The following RNF216 variants were observed in gnomAD, a reference collection of about 807,000 sequenced individuals.
RNF216 encodes the protein ring finger protein 216.
Under a neutral mutation model 110.8 loss-of-function variants are expected in RNF216, and 72 were observed. That is an observed-to-expected ratio of 0.65 (90% confidence interval 0.54 to 0.79). The LOEUF is 0.79. RNF216 is among the 30% of genes least tolerant of loss of function. The pLI is 0.00. For synonymous variants in RNF216, 495 were observed against 407.5 expected, an observed-to-expected ratio of 1.21 and a Z score of -2.59; for missense variants, 1,342 against 1,141.2, an observed-to-expected ratio of 1.18 and a Z score of -2.54.
chr7:5,763,058 T>G (rs1212580623), intron 1 of RNF216, among the ~76,000 whole-genome samples: 1 of 152,062 alleles, frequency 6.6e-6, no homozygotes, highest in African/African-American at 2.4e-5. Context: ...TACTGAACTC[T>G]GGGGATAGGA....
rs747054051 is a variant in RNF216 at position 5,741,289 on chromosome 7, C to G, written c.728G>C (p.Arg243Pro). ...PYFQSLNQQP[R>P]EITNQVVPQE... The stretch of plus-strand genomic sequence containing the variant: ...AGGAACGACCTGGTTTGTTATTTCA[C>G]GGGGCTGTTGGTTCAGAGACTGGAA... The change falls in exon 4 of 17, where the codon CGT (arginine) becomes CCT (proline). Residue 243 changes from arginine (R) to proline (P), a missense_variant. Arg to Pro is a moderately radical substitution (Grantham distance 103). Coordinates refer to ENST00000389902, the MANE Select transcript of RNF216 (RefSeq NM_207111.4). 5.6e-6 allele frequency: 9 copies of G among 1,613,904 alleles called. No individual in the cohort carries two copies. The highest frequency in any genetic ancestry group is 1.3e-5 in the African/African-American group (1 of 74,898).
intron 5 of RNF216, among the ~76,000 whole-genome samples, chr7:5,731,832 G>A (rs1344751158): frequency 2.8e-5 from 4 of 145,418 alleles, no homozygotes; most frequent in Non-Finnish European, 5.9e-5. Context: ...AGGTCTGGCA[G>A]AAAGAGGGTA....
chr7:5,711,861 T>C lies in RNF216; in HGVS notation c.1983-22A>G, dbSNP rs187466447. 1.2e-5 allele frequency: 20 copies of C among 1,605,232 alleles called. No individual in the cohort carries two copies. The African/African-American group carries it at 1.5e-4, about 12-fold the overall frequency. On this transcript the variant is annotated intron_variant, in intron 12 of 16. Transcript: ENST00000389902. ...GCACCTAGAGTCAGAACAGCAGAAC[T>C]GACATTACTTCAAACATTAAAGCCT...
Position 5,781,523 on chromosome 7 carries a change from C to G in RNF216, c.-70+18G>C, listed in dbSNP as rs1282934309. The stretch of plus-strand genomic sequence containing the variant: ...GACCCGCCCAGGAGCTCGAGCGCGC[C>G]CCGCAGCCGACACTCACTCGTCACT... On this transcript the variant is annotated intron_variant, in intron 1 of 16. Coordinates refer to ENST00000389902, the MANE Select transcript of RNF216 (RefSeq NM_207111.4). 1 of 152,196 alleles carries G rather than the reference C, an allele frequency of 6.6e-6. No homozygotes were observed. The highest frequency in any genetic ancestry group is 1.5e-5 in the Non-Finnish European group (1 of 68,086). The allele number at this position is 152,196 out of a possible 1,614,324, so 9.4% of individuals were successfully genotyped here.
rs185472091 is a variant in RNF216, at chr7:5,719,895, C to G, written c.1644+1138G>C. On this transcript the variant is annotated intron_variant, in intron 9 of 16. Coordinates refer to ENST00000389902, the MANE Select transcript of RNF216 (RefSeq NM_207111.4). Reference sequence around the variant, plus strand: ...CCTGGATATAAGACAAGCTTCATATCCTGGGATGTGGCAGAAGCACTTTAT... The same window carrying G: ...CCTGGATATAAGACAAGCTTCATATGCTGGGATGTGGCAGAAGCACTTTAT... 5.5e-4 allele frequency among the ~76,000 whole-genome samples: 84 copies of G among 152,264 alleles called. 1 individual carries two copies. Among genetic ancestry groups the G allele is most frequent in the South Asian group, 5.2e-3 (25 of 4,818 alleles).
intron 13 of RNF216, among the ~76,000 whole-genome samples, chr7:5,669,733 A>G (rs954656294): frequency 4.6e-5 from 7 of 152,108 alleles, no homozygotes; most frequent in Non-Finnish European, 7.4e-5. Flanking sequence ...ATCTACTAAA[A>G]ATACAAAAAT....
intron 14 of RNF216, among the ~76,000 whole-genome samples, chr7:5,645,960 C>A (rs1043364299): frequency 4.6e-5 from 7 of 152,148 alleles, no homozygotes; most frequent in African/African-American, 7.2e-5. Flanking sequence ...TAGTTCTTTG[C>A]CCATGGTTTC....
At chr7:5,689,517 C>A (rs1020755530) in intron 13 of RNF216, among the ~76,000 whole-genome samples, 1 of 151,670 alleles carries the variant, frequency 6.6e-6, no homozygotes, top group South Asian at 2.1e-4. Context: ...AAACAAAAAA[C>A]AAAAAACCCT....
At chr7:5,758,908 T>C (rs1397275855) in intron 2 of RNF216, among the ~76,000 whole-genome samples, 1 of 152,068 alleles carries the variant, frequency 6.6e-6, no homozygotes, top group Non-Finnish European at 1.5e-5. Context: ...ACAAGAGACT[T>C]GGGAGGGGCT....
chr7:5,778,279 C>A (rs1796892879), intron 1 of RNF216, among the ~76,000 whole-genome samples: 1 of 152,182 alleles, frequency 6.6e-6, no homozygotes, highest in South Asian at 2.1e-4. Flanking sequence ...GCAGGCTCTT[C>A]CCCAGCTAAA....
chr7:5,706,077 G>A (rs780575152), intron 13 of RNF216, among the ~76,000 whole-genome samples: 15 of 151,898 alleles, frequency 9.9e-5, no homozygotes, highest in Non-Finnish European at 1.9e-4. Context: ...AAAATTAGCC[G>A]GGCATGGTGG....
chr7:5,764,233 G>C (rs796711577), intron 1 of RNF216, among the ~76,000 whole-genome samples: 74 of 149,718 alleles, frequency 4.9e-4, no homozygotes, highest in African/African-American at 1.7e-3. Flanking sequence ...AAACAGATAA[G>C]TATCCATTCA....
chr7:5,674,522 G>A (rs1225513962), intron 13 of RNF216, among the ~76,000 whole-genome samples: 1 of 151,902 alleles, frequency 6.6e-6, no homozygotes, highest in African/African-American at 2.4e-5. Flanking sequence ...CAGCTAATCG[G>A]GAGGCCAAGG....
intron 16 of RNF216, 107 bp downstream of exon 16, chr7:5,623,949 C>A (rs1584325599): frequency 1.1e-6 from 1 of 912,220 alleles, no homozygotes; most frequent in East Asian, 2.5e-5. Flanking sequence ...GACAGCACCC[C>A]CTCCTCTCCT....
intron 15 of RNF216, among the ~76,000 whole-genome samples, chr7:5,627,420 C>A (rs1223116698): frequency 1.3e-5 from 2 of 152,162 alleles, no homozygotes; most frequent in East Asian, 3.8e-4. Context: ...GCACCTCTCT[C>A]TGAAATTCCA....
intron 2 of RNF216, among the ~76,000 whole-genome samples, chr7:5,755,703 T>C (rs1463070873): frequency 5.3e-5 from 8 of 152,212 alleles, no homozygotes; most frequent in Admixed American, 3.3e-4. Flanking sequence ...CTTCTGTTGA[T>C]AGACATTTGA....
At chr7:5,723,426 T>C (rs1274847910) in intron 8 of RNF216, among the ~76,000 whole-genome samples, 1 of 151,974 alleles carries the variant, frequency 6.6e-6, no homozygotes, top group Admixed American at 6.6e-5. Context: ...GGCGGGCGGA[T>C]CACGAGGTCA....
chr7:5,649,277 A>G (rs375150577), intron 14 of RNF216, among the ~76,000 whole-genome samples: 9 of 152,110 alleles, frequency 5.9e-5, no homozygotes, highest in South Asian at 2.1e-4. Flanking sequence ...CTGTAATCCC[A>G]GCTACTCGGG....
Position 5,622,643 on chromosome 7 carries a change from C to T in RNF216, c.*217G>A, listed in dbSNP as rs1276410195. 1.8e-6 allele frequency: 1 copy of T among 555,484 alleles called. No individual in the cohort carries two copies. Among genetic ancestry groups the T allele is most frequent in the Non-Finnish European group, 3.2e-6 (1 of 313,686 alleles). 34.4% of individuals were successfully genotyped at this position (555,484 alleles called of 1,614,324 possible). A position where few individuals can be genotyped will look rare whatever the true frequency, so the allele number is the denominator to read the frequency against. On this transcript the variant is annotated 3_prime_UTR_variant, in exon 17 of 17. Transcript: ENST00000389902. Reference sequence around the variant, plus strand: ...AGGGGAGGGGCAGTTCACATCGCAGCTCTCTCCGAACTCCACCATTTGGGA... The same window carrying T: ...AGGGGAGGGGCAGTTCACATCGCAGTTCTCTCCGAACTCCACCATTTGGGA...
Sources: gnomAD v4.1 joint callset for allele counts (sites outside exome capture counted in the v4.1 genomes callset) on GRCh38, gnomAD v4.1.1 for gene constraint, MANE v1.5 for transcripts, NCBI Gene and HGNC (gene_info 2026-07-23, HGNC 2026-07-21) for gene names.